GMPR: variants seen among roughly 807,000 people sequenced by gnomAD.
GMPR encodes the protein GMP reductase 1.
GMPR carries 31 observed loss-of-function variants against 38.4 expected under a neutral mutation model. The ratio of observed to expected loss-of-function variants is 0.81; its 90% confidence interval spans 0.61 to 1.09. The LOEUF is 1.09. Among genes scored for constraint, GMPR ranks in the 50% least tolerant of loss-of-function variants. GMPR has a pLI of 0.00. For synonymous variants in GMPR, 162 were observed against 173.3 expected, an observed-to-expected ratio of 0.93 and a Z score of 0.51; for missense variants, 468 against 453.7, an observed-to-expected ratio of 1.03 and a Z score of -0.29.
rs1034316979 is a variant in GMPR, at chr6:16,266,704, G to A, written c.466-7711G>A. On this transcript the variant is annotated intron_variant, in intron 4 of 8. Transcript: ENST00000259727. The stretch of plus-strand genomic sequence containing the variant: ...CGGGCGCCTGTAGTCCCAGCTACTC[G>A]GGAGGCTGAGGCAGGAGAATTGCAT... Among the ~76,000 whole-genome samples the A allele has an allele frequency of 7.9e-5, 12 of 151,694 alleles. No homozygotes were observed. The Middle Eastern group carries it at 0.014, about 173-fold the overall frequency.
intron 3 of GMPR, among the ~76,000 whole-genome samples, chr6:16,253,917 AT>A (rs879549888): frequency 8.3e-4 from 120 of 145,042 alleles, no homozygotes; most frequent in Middle Eastern, 7.1e-3. Context: ...GGTAGTCATT[AT>A]TTTTTTTTTT....
At chr6:16,265,543 ATCAG>A (rs1759178326) in intron 4 of GMPR, among the ~76,000 whole-genome samples, 1 of 152,176 alleles carries the variant, frequency 6.6e-6, no homozygotes, top group Admixed American at 6.5e-5. Context: ...TTGTAAATGC[ATCAG>A]TCAGTGCTCT....
Position 16,245,244 on chromosome 6 carries a change from A to C in GMPR, c.88-1598A>C, listed in dbSNP as rs532026283. On this transcript the variant is annotated intron_variant, in intron 1 of 8. Coordinates refer to ENST00000259727, the MANE Select transcript of GMPR (RefSeq NM_006877.4). The stretch of plus-strand genomic sequence containing the variant: ...CTGCGTAGGTTCGTGCACTTCCAGC[A>C]TCTCATTTCTCCTCACTGATGGCTG... 3.9e-5 allele frequency among the ~76,000 whole-genome samples: 6 copies of C among 152,334 alleles called. 1 individual carries two copies. Among genetic ancestry groups the C allele is most frequent in the African/African-American group, 7.2e-5 (3 of 41,578 alleles).
chr6:16,269,010 A>C (rs558065573), intron 4 of GMPR, among the ~76,000 whole-genome samples: 1 of 151,972 alleles, frequency 6.6e-6, no homozygotes, highest in Non-Finnish European at 1.5e-5. Flanking sequence ...TATTTAAAAA[A>C]CAAAAATTTT....
intron 3 of GMPR, among the ~76,000 whole-genome samples, chr6:16,251,427 G>A (rs1172919265): frequency 2.0e-5 from 3 of 152,190 alleles, no homozygotes; most frequent in East Asian, 1.9e-4. Context: ...AAAATTAGCC[G>A]GGCGTGGTGG....
chr6:16,275,507 T>A (rs1759456676), intron 5 of GMPR, among the ~76,000 whole-genome samples: 1 of 152,206 alleles, frequency 6.6e-6, no homozygotes, highest in Non-Finnish European at 1.5e-5. Context: ...AGGGAGATTT[T>A]CAAGGTTAAG....
intron 2 of GMPR, 54 bp downstream of exon 2, chr6:16,247,015 T>C: frequency 6.4e-7 from 1 of 1,563,820 alleles, no homozygotes; most frequent in Non-Finnish European, 8.7e-7. Context: ...GTGGACAGGT[T>C]ATCAGGAGCC....
At chr6:16,238,954 A>G (rs1205312801) in intron 1 of GMPR, among the ~76,000 whole-genome samples, 174 bp downstream of exon 1, 1 of 152,010 alleles carries the variant, frequency 6.6e-6, no homozygotes, top group African/African-American at 2.4e-5. Context: ...GGTGTCTTTA[A>G]GGGCGGTGAT....
chr6:16,243,557 G>T (rs1476045235), intron 1 of GMPR, among the ~76,000 whole-genome samples: 1 of 152,186 alleles, frequency 6.6e-6, no homozygotes, highest in Non-Finnish European at 1.5e-5. Flanking sequence ...CTACAAAGTT[G>T]GAAGACGTCC....
In GMPR at chr6:16,250,360, G is replaced by A. The variant is rs760416501; in HGVS notation, c.284G>A (p.Cys95Tyr). 11 of 1,588,584 alleles carry A rather than the reference G, an allele frequency of 6.9e-6. No homozygotes were observed. In the South Asian group the frequency reaches 9.9e-5, roughly 14 times the overall value. The change falls in exon 3 of 9, where the codon TGC (cysteine) becomes TAC (tyrosine). Residue 95 changes from cysteine to tyrosine, a missense_variant. Coordinates refer to ENST00000259727, the MANE Select transcript of GMPR (RefSeq NM_006877.4). Reference sequence around the variant, plus strand: ...CTCTTTGCCACAAATCACCCAGAATGCCTGCAGGTACGACTACAGCCTGGT... The same window carrying A: ...CTCTTTGCCACAAATCACCCAGAATACCTGCAGGTACGACTACAGCCTGGT... ...WKLFATNHPE[C>Y]LQNVAVSSGS...
chr6:16,246,818 T>C (rs768110482), intron 1 of GMPR, 24 bp from the exon 2 acceptor site: 13 of 1,606,882 alleles, frequency 8.1e-6, no homozygotes, highest in Middle Eastern at 1.7e-4. Flanking sequence ...TTTCCCTTTT[T>C]CTTTCTTTTT....
At chr6:16,289,227 C>T (rs1022935774) in intron 7 of GMPR, among the ~76,000 whole-genome samples, 6 of 152,168 alleles carry the variant, frequency 3.9e-5, no homozygotes, top group Non-Finnish European at 8.8e-5. Context: ...GCCTCAGCCG[C>T]GCCACCTTAT....
Position 16,246,907 on chromosome 6 carries a change from C to A in GMPR, c.153C>A (p.Ile51=). The A allele has an allele frequency of 1.2e-6, 2 of 1,613,516 alleles. No individual in the cohort carries two copies. The highest frequency in any genetic ancestry group is 1.7e-6 in the Non-Finnish European group (2 of 1,179,456). ...SKQTYSGIPI[I]VANMDTVGTF... The stretch of plus-strand genomic sequence containing the variant: ...AGACCTACTCAGGGATTCCCATCAT[C>A]GTGGCCAACATGGACACTGTGGGCA... Residue 51 remains isoleucine (I), a synonymous_variant, in exon 2 of 9, where the codon ATC becomes ATA. Transcript: ENST00000259727.
intron 4 of GMPR, among the ~76,000 whole-genome samples, chr6:16,271,914 G>A (rs1248933031): frequency 6.6e-6 from 1 of 151,940 alleles, no homozygotes; most frequent in East Asian, 1.9e-4. Flanking sequence ...TTCCCATGCT[G>A]TCAAACCACT....
chr6:16,293,369 T>TG (rs975661746), intron 8 of GMPR, among the ~76,000 whole-genome samples: 2 of 152,360 alleles, frequency 1.3e-5, no homozygotes, highest in African/African-American at 4.8e-5. Flanking sequence ...GACGCCTGTC[T>TG]GGGGTCACGG....
intron 4 of GMPR, among the ~76,000 whole-genome samples, chr6:16,255,868 T>C (rs1758963062): frequency 6.6e-6 from 1 of 152,198 alleles, no homozygotes; most frequent in Non-Finnish European, 1.5e-5. Flanking sequence ...CTAAAGGACT[T>C]TCAAGGATTG....
rs182997417 is a variant in GMPR, at chr6:16,267,845, C to T, written c.466-6570C>T. On this transcript the variant is annotated intron_variant, in intron 4 of 8. Transcript: ENST00000259727. Reference sequence around the variant, plus strand: ...AAGCTCTACTCCCCTGGGGCAATGCCGTGTCAGCTGCTGCGGGCAGATCTC... The same window carrying T: ...AAGCTCTACTCCCCTGGGGCAATGCTGTGTCAGCTGCTGCGGGCAGATCTC... Among the ~76,000 whole-genome samples the T allele has an allele frequency of 4.5e-4, 69 of 152,270 alleles. 1 individual carries two copies. The East Asian group carries it at 7.5e-3, about 17-fold the overall frequency.
Position 16,274,378 on chromosome 6 carries a change from T to C in GMPR, c.466-37T>C, listed in dbSNP as rs754236935. On this transcript the variant is annotated intron_variant, in intron 4 of 8. Transcript: ENST00000259727. ...TTCCTCACCTTTATACCAGCAATAG[T>C]AGTTCATGATCATCAGCTGTATTCT... 4 of 1,245,046 alleles carry C rather than the reference T, an allele frequency of 3.2e-6. No individual in the cohort carries two copies. The Admixed American group carries it at 5.0e-5, about 16-fold the overall frequency. The allele number at this position is 1,245,046 out of a possible 1,614,324, so 77.1% of individuals were successfully genotyped here. A position where few individuals can be genotyped will look rare whatever the true frequency, so the allele number is the denominator to read the frequency against.
At chr6:16,252,892 A>G (rs957860803) in intron 3 of GMPR, among the ~76,000 whole-genome samples, 1 of 152,154 alleles carries the variant, frequency 6.6e-6, no homozygotes, top group African/African-American at 2.4e-5. Context: ...CCATCAGCTC[A>G]CTCTCAGTCT....
Sources: allele counts gnomAD v4.1 joint callset (sites outside exome capture counted in the v4.1 genomes callset), GRCh38; gene constraint gnomAD v4.1.1; transcripts MANE v1.5; gene names NCBI Gene and HGNC (gene_info 2026-07-23, HGNC 2026-07-21).